Variants in ZZEF1 observed in about 807,000 individuals in gnomAD.
The protein encoded by ZZEF1 is zinc finger ZZ-type and EF-hand domain-containing protein 1.
Under a neutral mutation model 342.8 loss-of-function variants are expected in ZZEF1, and 157 were observed. That is an observed-to-expected ratio of 0.46 (90% CI 0.40 to 0.52). The LOEUF (loss-of-function observed/expected upper bound fraction) is 0.52, where lower values mean the gene tolerates loss of function less well. ZZEF1 is among the 20% of genes least tolerant of loss of function. The pLI is 0.00. For synonymous variants in ZZEF1, 1,505 were observed against 1,429.1 expected (o/e 1.05, Z -1.20); for missense variants, 3,480 against 3,725.6 (o/e 0.93, Z 1.72).
Position 4,019,649 on chromosome 17 carries a change from T to C in ZZEF1, c.7505+20A>G, listed in dbSNP as rs2144973192. 1.2e-6 allele frequency: 2 copies of C among 1,603,186 alleles called. No homozygotes were observed. Among genetic ancestry groups the C allele is most frequent in the Non-Finnish European group, 1.7e-6 (2 of 1,172,770 alleles). ...ATTCTCTCCCTGGCCACACTTCAGC[T>C]GCACGGAAATGTCCCTTACCTCTTC... On this transcript the variant is annotated intron_variant, in intron 46 of 54. Transcript: ENST00000381638.
At chr17:4,100,929 G>A (rs2058116990) in intron 9 of ZZEF1, among the ~76,000 whole-genome samples, 1 of 152,170 alleles carries the variant, frequency 6.6e-6, no homozygotes, top group Non-Finnish European at 1.5e-5. Flanking sequence ...GAAAAATGCA[G>A]AGGGCCTTTG....
intron 53 of ZZEF1, 101 bp from the exon 54 acceptor site, chr17:4,009,055 A>G: frequency 7.2e-7 from 1 of 1,389,708 alleles, no homozygotes; most frequent in Non-Finnish European, 9.8e-7. Flanking sequence ...GAAGCCTCTC[A>G]TGGGCGGACG....
chr17:4,083,213 T>C (rs985399477), intron 16 of ZZEF1, among the ~76,000 whole-genome samples: 1 of 152,250 alleles, frequency 6.6e-6, no homozygotes, highest in African/African-American at 2.4e-5. Context: ...GGCAGTGCTA[T>C]TTAACTTCTC....
chr17:4,137,551 G>A (rs1251385212), intron 1 of ZZEF1, among the ~76,000 whole-genome samples: 2 of 152,190 alleles, frequency 1.3e-5, no homozygotes, highest in Non-Finnish European at 2.9e-5. Context: ...GGCGGAGCTT[G>A]CAGTGAGCCA....
rs1359455233 is a variant in ZZEF1, at chr17:4,022,801, T to C, written c.7120A>G (p.Thr2374Ala). The C allele has an allele frequency of 9.9e-6, 16 of 1,613,672 alleles. No homozygotes were observed. Among genetic ancestry groups the C allele is most frequent in the Non-Finnish European group, 1.4e-5 (16 of 1,179,976 alleles). Residue 2374 changes from threonine to alanine, a missense_variant, in exon 44 of 55, where the codon ACT becomes GCT. By Grantham distance (58) the Thr-to-Ala change is moderately conservative. Around this residue, in one of 5 missense-constraint regions of ZZEF1, gnomAD observed 1,269 missense variants for 1,342.4 expected, o/e 0.95. Coordinates refer to ENST00000381638, the MANE Select transcript of ZZEF1 (RefSeq NM_015113.4). ...KAHGFEEIRA[T>A]FLQTDLLKLL... ...TTCAGCAAATCGGTCTGAAGGAAAG[T>C]AGCACGGATCTCCTCAAAACCGTGA...
rs568401104 is a variant in ZZEF1, at chr17:4,137,394, A to G, written c.354+5148T>C. ...GGGAGGCCGAGGTGGGCGGATCACA[A>G]GGTCAGGAGATCGAGACCATCCTGG... is the stretch of plus-strand genomic sequence containing the variant. On this transcript the variant is annotated intron_variant, in intron 1 of 54. Transcript: ENST00000381638. 2.5e-3 allele frequency among the ~76,000 whole-genome samples: 374 copies of G among 152,274 alleles called. 4 individuals are homozygous for G. Among genetic ancestry groups the G allele is most frequent in the African/African-American group, 8.6e-3 (359 of 41,556 alleles).
intron 9 of ZZEF1, among the ~76,000 whole-genome samples, chr17:4,102,047 T>TA (rs1213352558): frequency 6.6e-6 from 1 of 152,024 alleles, no homozygotes; most frequent in Non-Finnish European, 1.5e-5. Context: ...AAAAAACGAT[T>TA]AAAAAAAATA....
At position 4,105,728 on chromosome 17, in the gene ZZEF1, C is replaced by T. The variant is rs181640538; in HGVS notation, c.1359G>A (p.Leu453=). ...DFSTFLSPNV[L]EEVDSFLIRI... ...TTATGAGGAAACTGTCCACTTCTTC[C>T]AGCACATTAGGGGAGAGGAAAGTTG... Residue 453 remains leucine, a synonymous_variant, in exon 7 of 55, where the codon CTG becomes CTA. Coordinates refer to ENST00000381638, the MANE Select transcript of ZZEF1 (RefSeq NM_015113.4). 4 of 1,613,308 alleles carry T rather than the reference C, an allele frequency of 2.5e-6. No homozygotes were observed. In the South Asian group the frequency reaches 3.3e-5, roughly 13 times the overall value.
At position 4,006,607 on chromosome 17, in the gene ZZEF1, C is replaced by T; in HGVS notation, c.*283G>A. ...GGCCCACGGCTCCTGCAGTGACAGC[C>T]TCTGGAGAAGGCTGGTCTCTGAACC... is the stretch of plus-strand genomic sequence containing the variant. On this transcript the variant is annotated 3_prime_UTR_variant, in exon 55 of 55. Coordinates refer to ENST00000381638, the MANE Select transcript of ZZEF1 (RefSeq NM_015113.4). 1 of 461,296 alleles carries T rather than the reference C, an allele frequency of 2.2e-6. No individual in the cohort carries two copies. Among genetic ancestry groups the T allele is most frequent in the Non-Finnish European group, 4.0e-6 (1 of 252,164 alleles). The allele number at this position is 461,296 out of a possible 1,614,324, so 28.6% of individuals were successfully genotyped here.
Position 4,016,641 on chromosome 17 carries a change from G to A in ZZEF1, c.8002-175C>T, listed in dbSNP as rs1406652581. 1.6e-6 allele frequency: 1 copy of A among 641,570 alleles called. No homozygotes were observed. The highest frequency in any genetic ancestry group is 3.1e-5 in the Admixed American group (1 of 32,214). The allele number at this position is 641,570 out of a possible 1,614,324, so 39.7% of individuals were successfully genotyped here. On this transcript the variant is annotated intron_variant, in intron 48 of 54. Coordinates refer to ENST00000381638, the MANE Select transcript of ZZEF1 (RefSeq NM_015113.4). This position sits in a 1 kb window ranked among gnomAD's most constrained non-coding sequence, Gnocchi z 4.4. ...CACCAGCCACCTCTCACTTGACCAG[G>A]CTCTTGGTGTCAATCAGGACACTGC... is the stretch of plus-strand genomic sequence containing the variant.
rs547578661 is a variant in ZZEF1, at chr17:4,016,215, C to T, written c.8145+108G>A. Reference sequence around the variant, plus strand: ...TCCTGGACAGGTCTCTGCTGTCCAGCGGGAGAGAGCCACAGAGGGGCTGAG... The same window carrying T: ...TCCTGGACAGGTCTCTGCTGTCCAGTGGGAGAGAGCCACAGAGGGGCTGAG... On this transcript the variant is annotated intron_variant, in intron 49 of 54. Coordinates refer to ENST00000381638, the MANE Select transcript of ZZEF1 (RefSeq NM_015113.4). The surrounding 1 kb of genome is among the most constrained non-coding windows in gnomAD (Gnocchi z 4.4). The T allele has an allele frequency of 1.2e-5, 17 of 1,362,662 alleles. No individual in the cohort carries two copies. The highest frequency in any genetic ancestry group is 2.4e-4 in the Middle Eastern group (1 of 4,102). The allele number at this position is 1,362,662 out of a possible 1,614,324, so 84.4% of individuals were successfully genotyped here. A position where few individuals can be genotyped will look rare whatever the true frequency, so the allele number is the denominator to read the frequency against.
intron 9 of ZZEF1, among the ~76,000 whole-genome samples, chr17:4,101,092 C>T (rs924523553): frequency 1.1e-4 from 16 of 152,108 alleles, no homozygotes; most frequent in African/African-American, 2.9e-4. Context: ...TAAAGAAAAA[C>T]GTTTCTGCAC....
Position 4,019,570 on chromosome 17 carries a change from G to A in ZZEF1, c.7505+99C>T, listed in dbSNP as rs143950114. On this transcript the variant is annotated intron_variant, in intron 46 of 54. Coordinates refer to ENST00000381638, the MANE Select transcript of ZZEF1 (RefSeq NM_015113.4). ...CAACTGCTTCCCGGCCTGTCGGAGCGTCGATCGATCCAGAAGCTGCTGCCA... is the reference window on the plus strand; with the variant it reads ...CAACTGCTTCCCGGCCTGTCGGAGCATCGATCGATCCAGAAGCTGCTGCCA... 8,662 of 1,080,748 alleles carry A rather than the reference G, an allele frequency of 8.0e-3. 59 individuals are homozygous for A. The highest frequency in any genetic ancestry group is 0.02 in the Middle Eastern group (67 of 3,406). The allele number at this position is 1,080,748 out of a possible 1,614,324, so 66.9% of individuals were successfully genotyped here. A position where few individuals can be genotyped will look rare whatever the true frequency, so the allele number is the denominator to read the frequency against.
chr17:4,016,286 C>G lies in ZZEF1; in HGVS notation c.8145+37G>C. 6.3e-7 allele frequency: 1 copy of G among 1,589,832 alleles called. No homozygotes were observed. The highest frequency in any genetic ancestry group is 1.9e-5 in the Admixed American group (1 of 53,600). ...AGGGGCTGACGAGGTCTCTGCGGCT[C>G]AGTCGCTCTTATGGGGCCTGCCGGC... On this transcript the variant is annotated intron_variant, in intron 49 of 54. Coordinates refer to ENST00000381638, the MANE Select transcript of ZZEF1 (RefSeq NM_015113.4). This position sits in a 1 kb window ranked among gnomAD's most constrained non-coding sequence, Gnocchi z 4.4.
intron 3 of ZZEF1, 132 bp downstream of exon 3, chr17:4,116,840 T>C: frequency 1.1e-6 from 1 of 934,784 alleles, no homozygotes. Context: ...AAAGATCACA[T>C]TCTTACGTTA....
rs1432159324 is a variant in ZZEF1, at chr17:4,021,326, C to T, written c.7213-6G>A. The T allele has an allele frequency of 1.3e-6, 2 of 1,590,798 alleles. No homozygotes were observed. The highest frequency in any genetic ancestry group is 1.3e-5 in the African/African-American group (1 of 74,242). Reference sequence around the variant, plus strand: ...TACAGCATGATGGACAAAATCTACACAGAAAGAAAATCCAGCTGAATGTGA... The same window carrying T: ...TACAGCATGATGGACAAAATCTACATAGAAAGAAAATCCAGCTGAATGTGA... On this transcript the variant is annotated splice_region_variant and splice_polypyrimidine_tract_variant and intron_variant, in intron 44 of 54. Transcript: ENST00000381638.
At position 4,058,076 on chromosome 17, in the gene ZZEF1, C is replaced by T. The variant is rs369164186; in HGVS notation, c.5083G>A (p.Ala1695Thr). 97 of 1,613,996 alleles carry T rather than the reference C, an allele frequency of 6.0e-5. No individual in the cohort carries two copies. The highest frequency in any genetic ancestry group is 3.9e-4 in the African/African-American group (29 of 74,988). Reference protein sequence around the residue: ...LDMGWEPNDLAFFVDIQLPDL... With the variant: ...LDMGWEPNDLTFFVDIQLPDL... ...GGTAACTGAATATCAACAAAGAAGG[C>T]GAGATCATTGGGTTCCCAGCCCATA... The change falls in exon 32 of 55, where the codon GCC (alanine) becomes ACC (threonine). Residue 1695 changes from alanine (A) to threonine (T), a missense_variant. Physicochemically the swap from Ala to Thr is moderately conservative, Grantham distance 58. Coordinates refer to ENST00000381638, the MANE Select transcript of ZZEF1 (RefSeq NM_015113.4).
intron 42 of ZZEF1, among the ~76,000 whole-genome samples, chr17:4,030,492 AATCTATAGATTTG>A (rs2056518212): frequency 6.6e-6 from 1 of 152,204 alleles, no homozygotes; most frequent in Non-Finnish European, 1.5e-5. Flanking sequence ...GTCCCAAATT[AATCTATAGATTTG>A]ATGCAATGCC....
At chr17:4,018,918 G>T (rs1026919119) in intron 46 of ZZEF1, among the ~76,000 whole-genome samples, 1 of 149,932 alleles carries the variant, frequency 6.7e-6, no homozygotes, top group Non-Finnish European at 1.5e-5. Context: ...AAATGAGAAC[G>T]CTGGGATTGC....
Sources: allele counts gnomAD v4.1 joint callset (sites outside exome capture counted in the v4.1 genomes callset), GRCh38; gene constraint gnomAD v4.1.1; regional missense constraint gnomAD v4.1.1; non-coding constraint Gnocchi (gnomAD v3.1); transcripts MANE v1.5; gene names NCBI Gene and HGNC (gene_info 2026-07-23, HGNC 2026-07-21).